The following LRRC7 variants were observed in gnomAD, a reference collection of about 807,000 sequenced individuals.
LRRC7 encodes the protein leucine-rich repeat-containing protein 7.
LRRC7 carries 23 observed loss-of-function variants against 175.7 expected under a neutral mutation model. The ratio of observed to expected loss-of-function variants is 0.13; its 90% CI spans 0.09 to 0.19. LRRC7 has a LOEUF of 0.19. Ranked by LOEUF, LRRC7 falls within the 10% of genes least tolerant of loss-of-function variation. LRRC7 has a pLI of 1.00. For missense variants in LRRC7, 1,354 were observed against 1,904.7 expected, an observed-to-expected ratio of 0.71 and a Z score of 5.38; for synonymous variants, 685 against 680.9, an observed-to-expected ratio of 1.01 and a Z score of -0.09.
At chr1:69,939,678 T>G (rs963223673) in intron 8 of LRRC7, among the ~76,000 whole-genome samples, 1 of 152,088 alleles carries the variant, frequency 6.6e-6, no homozygotes, top group African/African-American at 2.4e-5. Context: ...AAGTGTTGAT[T>G]TTTGTGACTC....
chr1:69,921,766 T>C (rs1017599859), intron 7 of LRRC7, among the ~76,000 whole-genome samples: 2 of 152,220 alleles, frequency 1.3e-5, no homozygotes, highest in Non-Finnish European at 2.9e-5. Context: ...ATCTTTTTCC[T>C]ACCTGAATCT....
At chr1:69,888,308 T>C (rs1336427141) in intron 7 of LRRC7, among the ~76,000 whole-genome samples, 6 of 152,096 alleles carry the variant, frequency 3.9e-5, no homozygotes, top group Non-Finnish European at 8.8e-5. Context: ...AGGTGCGGGA[T>C]ATAATCTCAT....
At chr1:70,077,438 T>C (rs1417748048) in intron 24 of LRRC7, among the ~76,000 whole-genome samples, 2 of 152,202 alleles carry the variant, frequency 1.3e-5, no homozygotes, top group African/African-American at 2.4e-5. Flanking sequence ...TAAAAGTTAA[T>C]ACAATTTTAA....
At chr1:69,984,778 TG>T (rs760043593) in intron 9 of LRRC7, among the ~76,000 whole-genome samples, 9 of 152,236 alleles carry the variant, frequency 5.9e-5, no homozygotes, top group Non-Finnish European at 1.3e-4. Context: ...GAAAGTTCCC[TG>T]AAGTTACTAC....
intron 5 of LRRC7, among the ~76,000 whole-genome samples, chr1:69,826,980 G>T (rs772196756): frequency 6.6e-6 from 1 of 152,020 alleles, no homozygotes; most frequent in Admixed American, 6.6e-5. Context: ...TGAATGGTTT[G>T]TGAAATAATC....
chr1:69,628,362 A>G (rs1651942112), intron 1 of LRRC7, among the ~76,000 whole-genome samples: 1 of 152,188 alleles, frequency 6.6e-6, no homozygotes, highest in Non-Finnish European at 1.5e-5. Flanking sequence ...TGAAATTAAA[A>G]CACAATACCA....
intron 8 of LRRC7, among the ~76,000 whole-genome samples, chr1:69,935,435 A>C (rs1482803845): frequency 1.3e-5 from 2 of 152,232 alleles, no homozygotes; most frequent in Non-Finnish European, 2.9e-5. Context: ...TTTATTTTAA[A>C]GCATGGTTAT....
At chr1:69,933,897 C>T (rs555980906) in intron 8 of LRRC7, among the ~76,000 whole-genome samples, 1 of 152,274 alleles carries the variant, frequency 6.6e-6, no homozygotes, top group African/African-American at 2.4e-5. Flanking sequence ...GCCAGTATTT[C>T]ATGCCAGGCA....
chr1:69,721,180 A>C lies in LRRC7; in HGVS notation c.101-39011A>C, dbSNP rs538806792. Reference sequence around the variant, plus strand: ...CTCCCCCACTACCGACATCCCACACAAGAGTGTTATATTTGTTATAATCGA... The same window carrying C: ...CTCCCCCACTACCGACATCCCACACCAGAGTGTTATATTTGTTATAATCGA... On this transcript the variant is annotated intron_variant, in intron 2 of 26. Coordinates refer to ENST00000651989, the MANE Select transcript of LRRC7 (RefSeq NM_001370785.2). 8.6e-5 allele frequency among the ~76,000 whole-genome samples: 13 copies of C among 151,936 alleles called. 2 individuals carry two copies. Among genetic ancestry groups the C allele is most frequent in the South Asian group, 8.3e-4 (4 of 4,816 alleles).
chr1:70,118,525 A>G (rs544665213), intron 26 of LRRC7, among the ~76,000 whole-genome samples: 1 of 152,178 alleles, frequency 6.6e-6, no homozygotes, highest in Non-Finnish European at 1.5e-5. Context: ...ACAATTTTTT[A>G]AGGGAAAAAT....
intron 11 of LRRC7, among the ~76,000 whole-genome samples, chr1:69,996,310 G>C (rs1052059143): frequency 6.6e-6 from 1 of 152,118 alleles, no homozygotes; most frequent in African/African-American, 2.4e-5. Context: ...TTAGTCCTTT[G>C]TCAGATGAGT....
chr1:69,622,957 T>A (rs1317643829), intron 1 of LRRC7, among the ~76,000 whole-genome samples: 1 of 152,270 alleles, frequency 6.6e-6, no homozygotes, highest in East Asian at 1.9e-4. Flanking sequence ...TGTGTCTGAG[T>A]AGCTCCTACT....
chr1:70,012,840 TAA>T (rs967570851), intron 12 of LRRC7, 132 bp from the exon 13 acceptor site: 12 of 363,736 alleles, frequency 3.3e-5, no homozygotes, highest in Non-Finnish European at 6.0e-5. Flanking sequence ...AGCTACATTA[TAA>T]AAACAAAACA....
chr1:70,117,142 A>G (rs942867211), intron 26 of LRRC7, among the ~76,000 whole-genome samples: 5 of 152,184 alleles, frequency 3.3e-5, no homozygotes, highest in African/African-American at 9.6e-5. Context: ...ACATGCCCAT[A>G]TCTCTAAGCT....
chr1:69,937,497 G>A (rs1296793457), intron 8 of LRRC7, among the ~76,000 whole-genome samples: 1 of 151,788 alleles, frequency 6.6e-6, no homozygotes, highest in African/African-American at 2.4e-5. Flanking sequence ...TACATACATG[G>A]TTCATGATCT....
intron 8 of LRRC7, among the ~76,000 whole-genome samples, chr1:69,975,368 A>G (rs1396394650): frequency 6.6e-6 from 1 of 152,166 alleles, no homozygotes; most frequent in Non-Finnish European, 1.5e-5. Flanking sequence ...TTTTGCCATT[A>G]TCCAAAACAA....
chr1:70,054,804 A>T (rs1558031023), intron 23 of LRRC7, among the ~76,000 whole-genome samples: 1 of 151,610 alleles, frequency 6.6e-6, no homozygotes, highest in East Asian at 1.9e-4. Flanking sequence ...GTTAGCCAGG[A>T]TGGTGTAGAT....
chr1:69,909,009 C>T (rs932876095), intron 7 of LRRC7, among the ~76,000 whole-genome samples: 1 of 151,662 alleles, frequency 6.6e-6, no homozygotes, highest in Non-Finnish European at 1.5e-5. Context: ...GAATTGATCC[C>T]TTTACCATTA....
At chr1:70,119,099 C>T (rs1424298806) in intron 26 of LRRC7, among the ~76,000 whole-genome samples, 5 of 150,668 alleles carry the variant, frequency 3.3e-5, no homozygotes, top group South Asian at 2.1e-4. Flanking sequence ...CATTTTTGAA[C>T]GCTTTATTCT....
Sources: allele counts gnomAD v4.1 joint callset (sites outside exome capture counted in the v4.1 genomes callset), GRCh38; gene constraint gnomAD v4.1.1; transcripts MANE v1.5; gene names NCBI Gene and HGNC (gene_info 2026-07-23, HGNC 2026-07-21).